FN1: variants seen among roughly 807,000 people sequenced by gnomAD.
FN1 encodes fibronectin 1.
Under a neutral mutation model 297.3 loss-of-function variants are expected in FN1, and 106 were observed. That is an observed-to-expected ratio of 0.36 (90% CI 0.30 to 0.42). The LOEUF is 0.42. Ranked by LOEUF, FN1 falls within the 10% of genes least tolerant of loss-of-function variation. FN1 has a pLI of 1.00. For synonymous variants in FN1, 1,149 were observed against 1,152.6 expected (o/e 1.00, Z 0.06); for missense variants, 2,690 against 3,124.9 (o/e 0.86, Z 3.32).
intron 3 of FN1, 102 bp from the exon 4 acceptor site, chr2:215,432,066 G>A (rs893013000): frequency 3.3e-5 from 45 of 1,364,554 alleles, no homozygotes; most frequent in Non-Finnish European, 4.3e-5. Context: ...CTAAAGTAGA[G>A]ACACAGACAA....
chr2:215,435,607 G>C (rs1314987771), intron 1 of FN1, 48 bp downstream of exon 1: 13 of 1,611,038 alleles, frequency 8.1e-6, no homozygotes, highest in African/African-American at 6.7e-5. Context: ...GTCGGCTTTA[G>C]GGTCCCATCC....
chr2:215,401,254 G>GAAAA (rs1559475962), intron 20 of FN1, among the ~76,000 whole-genome samples: 1 of 43,266 alleles, frequency 2.3e-5, no homozygotes, highest in African/African-American at 8.5e-5. Flanking sequence ...AAGAAAGGAA[G>GAAAA]AAAGAAAGGA....
intron 20 of FN1, among the ~76,000 whole-genome samples, chr2:215,403,511 CTTATG>C (rs2106231101): frequency 6.6e-6 from 1 of 152,176 alleles, no homozygotes; most frequent in Non-Finnish European, 1.5e-5. Flanking sequence ...TGAAAAAGTA[CTTATG>C]TTAGGTGCTT....
chr2:215,377,699 T>A (rs1209412503), intron 35 of FN1, among the ~76,000 whole-genome samples: 1 of 150,590 alleles, frequency 6.6e-6, no homozygotes, highest in African/African-American at 2.4e-5. Context: ...TGGCCTAATA[T>A]GCATTGTTAA....
At chr2:215,421,881 T>C (rs574375277) in intron 10 of FN1, among the ~76,000 whole-genome samples, 53 of 152,334 alleles carry the variant, frequency 3.5e-4, no homozygotes, top group African/African-American at 1.2e-3. Context: ...TAGGAGTGTT[T>C]CAGAACATTA....
chr2:215,377,081 AGTGT>A (rs66762371), intron 35 of FN1, among the ~76,000 whole-genome samples: 34,819 of 146,972 alleles, frequency 0.24, 5,048 homozygotes, highest in East Asian at 0.7. Flanking sequence ...AGAGAGAGAG[AGTGT>A]GTGTGTGTGT....
Position 215,422,263 on chromosome 2 carries a change from A to G in FN1, c.1394-20T>C, listed in dbSNP as rs781051744. On this transcript the variant is annotated intron_variant, in intron 9 of 45. Transcript: ENST00000354785. ...CGTGGGCTGTTTGGAAATGGATAAG[A>G]AATGCACTTGATAAATGATCACCAG... 32 of 1,612,214 alleles carry G rather than the reference A, an allele frequency of 2.0e-5. 1 individual carries two copies. Among genetic ancestry groups the G allele is most frequent in the Non-Finnish European group, 2.5e-5 (30 of 1,178,354 alleles).
At chr2:215,426,896 G>A (rs1189181457) in intron 6 of FN1, among the ~76,000 whole-genome samples, 1 of 151,220 alleles carries the variant, frequency 6.6e-6, no homozygotes, top group Non-Finnish European at 1.5e-5. Flanking sequence ...ATTTTTTTGA[G>A]ATGGGGTCTC....
Position 215,414,904 on chromosome 2 carries a change from G to T in FN1, c.1874C>A (p.Ser625Tyr). The change falls in exon 13 of 46, where the codon TCC becomes TAC. Residue 625 changes from serine (S) to tyrosine (Y), a missense_variant. Ser to Tyr is a moderately radical substitution (Grantham distance 144). This residue lies in a region of FN1 where 876 missense variants were observed against 1,058.1 expected (regional missense o/e 0.83). Transcript: ENST00000354785. The part of the protein sequence containing the change: ...FITETPSQPN[S>Y]HPIQWNAPQP... ...TGGTGCATTCCACTGGATGGGGTGG[G>T]AGTTGGGCTGACTCGGAGTCTCAGT... The T allele has an allele frequency of 6.2e-7, 1 of 1,613,910 alleles. No homozygotes were observed. The highest frequency in any genetic ancestry group is 8.5e-7 in the Non-Finnish European group (1 of 1,179,850).
rs540368287 is a variant in FN1, at chr2:215,386,549, T to C, written c.4612+140A>G. On this transcript the variant is annotated intron_variant, in intron 28 of 45. Coordinates refer to ENST00000354785, the MANE Select transcript of FN1 (RefSeq NM_212482.4). ...CCACATTTTCTCACTTCCCTCTCCA[T>C]GTACCATGACAATGATCTATTTTTT... The C allele has an allele frequency of 5.6e-5, 41 of 730,254 alleles. No individual in the cohort carries two copies. In the African/African-American group the frequency reaches 6.5e-4, roughly 12 times the overall value. 45.2% of individuals were successfully genotyped at this position (730,254 alleles called of 1,614,324 possible). A position where few individuals can be genotyped will look rare whatever the true frequency, so the allele number is the denominator to read the frequency against.
At chr2:215,413,699 C>T (rs1360855730) in intron 13 of FN1, among the ~76,000 whole-genome samples, 2 of 152,180 alleles carry the variant, frequency 1.3e-5, no homozygotes, top group East Asian at 3.9e-4. Flanking sequence ...CCCACAACTT[C>T]CTTCATATTT....
chr2:215,404,933 TTA>T (rs1169878529), intron 19 of FN1, among the ~76,000 whole-genome samples: 4 of 152,164 alleles, frequency 2.6e-5, no homozygotes, highest in African/African-American at 7.2e-5. Flanking sequence ...GTCTCAGAAA[TTA>T]TAGTTACATT....
chr2:215,375,854 A>G, intron 36 of FN1, 136 bp from the exon 37 acceptor site: 1 of 699,730 alleles, frequency 1.4e-6, no homozygotes. Flanking sequence ...ACATTTGAAC[A>G]GTAAAGTAGA....
chr2:215,371,435 A>G (rs2056083217), intron 40 of FN1, among the ~76,000 whole-genome samples: 1 of 150,126 alleles, frequency 6.7e-6, no homozygotes, highest in Non-Finnish European at 1.5e-5. Flanking sequence ...AGTGTTTTAG[A>G]CTTCTGCACA....
At chr2:215,432,886 C>A (rs918231030) in intron 3 of FN1, among the ~76,000 whole-genome samples, 1 of 152,134 alleles carries the variant, frequency 6.6e-6, no homozygotes, top group South Asian at 2.1e-4. Context: ...GAGGTCTCTG[C>A]ATTGCAAACA....
At position 215,435,896 on chromosome 2, in the gene FN1, G is replaced by C; in HGVS notation, c.-94C>G. 1 of 1,473,222 alleles carries C rather than the reference G, an allele frequency of 6.8e-7. No individual in the cohort carries two copies. The allele number at this position is 1,473,222 out of a possible 1,614,324, so 91.3% of individuals were successfully genotyped here. On this transcript the variant is annotated 5_prime_UTR_variant, in exon 1 of 46. Transcript: ENST00000354785. ...ACCTGCGGGAAAAATCCCTTCTAAT[G>C]CCTCCCGGGGGTTGTCGCCTCCAAG... is the stretch of plus-strand genomic sequence containing the variant.
At chr2:215,402,147 AT>A in intron 20 of FN1, among the ~76,000 whole-genome samples, 1 of 152,276 alleles carries the variant, frequency 6.6e-6, no homozygotes, top group Non-Finnish European at 1.5e-5. Context: ...TTTACAAATT[AT>A]ATTCGCCTCA....
intron 5 of FN1, 104 bp from the exon 6 acceptor site, chr2:215,428,442 G>T: frequency 1.0e-6 from 1 of 999,910 alleles, no homozygotes; most frequent in Non-Finnish European, 1.6e-6. Flanking sequence ...TCTATTTTTG[G>T]TAATATGTTC....
intron 34 of FN1, 136 bp downstream of exon 34, chr2:215,378,994 T>G (rs968614821): frequency 2.3e-6 from 2 of 884,954 alleles, no homozygotes; most frequent in Non-Finnish European, 3.6e-6. Context: ...TCCGTTGATA[T>G]AAAATTACAA....
Sources: allele counts gnomAD v4.1 joint callset (sites outside exome capture counted in the v4.1 genomes callset), GRCh38; gene constraint gnomAD v4.1.1; regional missense constraint gnomAD v4.1.1; transcripts MANE v1.5; gene names NCBI Gene and HGNC (gene_info 2026-07-23, HGNC 2026-07-21).